CHMP7: variants seen among roughly 807,000 people sequenced by gnomAD.
CHMP7 encodes CHMP family, member 7.
CHMP7 carries 15 observed loss-of-function variants against 53.7 expected under a neutral mutation model. That is an observed-to-expected ratio of 0.28 (90% CI 0.19 to 0.43). CHMP7 has a LOEUF of 0.43. CHMP7 is among the 20% of genes least tolerant of loss of function. CHMP7 has a pLI of 1.00. For missense variants in CHMP7, 527 were observed against 569.4 expected, an observed-to-expected ratio of 0.93 and a Z score of 0.76; for synonymous variants, 261 against 228.0, an observed-to-expected ratio of 1.14 and a Z score of -1.30.
Position 23,255,235 on chromosome 8 carries a change from C to G in CHMP7, c.472-12C>G, listed in dbSNP as rs1802076797. On this transcript the variant is annotated splice_polypyrimidine_tract_variant and intron_variant, in intron 3 of 10. Coordinates refer to ENST00000397677, the MANE Select transcript of CHMP7 (RefSeq NM_152272.5). ...GGCCAGGGCCTGTCAGCCAATGTTG[C>G]CTTTCCCACAGGAAAAGGCTGAGGA... The G allele has an allele frequency of 6.2e-7, 1 of 1,613,730 alleles. No homozygotes were observed. The highest frequency in any genetic ancestry group is 1.7e-5 in the Admixed American group (1 of 59,986).
chr8:23,256,651 C>A, intron 5 of CHMP7, 58 bp downstream of exon 5: 11 of 1,427,230 alleles, frequency 7.7e-6, no homozygotes, highest in Admixed American at 1.9e-5. Flanking sequence ...CCAGAGCCAG[C>A]AAAATGTTAG....
intron 3 of CHMP7, chr8:23,254,924 A>G (rs972703938): frequency 6.6e-5 from 27 of 407,170 alleles, no homozygotes; most frequent in African/African-American, 5.5e-4. Flanking sequence ...CAGCTGTTCT[A>G]CCTCACCTCA....
chr8:23,257,309 TG>T (rs1394366940), intron 5 of CHMP7, among the ~76,000 whole-genome samples: 1 of 151,654 alleles, frequency 6.6e-6, no homozygotes, highest in Non-Finnish European at 1.5e-5. Flanking sequence ...TTGCCCAGGC[TG>T]GTCTCACACT....
intron 3 of CHMP7, among the ~76,000 whole-genome samples, chr8:23,250,285 GC>G (rs1271300028): frequency 6.6e-6 from 1 of 151,798 alleles, no homozygotes; most frequent in Non-Finnish European, 1.5e-5. Flanking sequence ...CCTCCTCAGA[GC>G]CCACCTCCTC....
At position 23,260,231 on chromosome 8, in the gene CHMP7, G is replaced by A. The variant is rs760597457; in HGVS notation, c.1208G>A (p.Arg403His). The part of the protein sequence containing the change: ...KEPLDLPDNP[R>H]NRHFTNSVPN... ...CCTTTGGATCTGCCTGACAACCCCC[G>A]CAATAGGCATTTTACCAACAGCGTG... Residue 403 changes from arginine (R) to histidine (H), a missense_variant, in exon 10 of 11, where the codon CGC becomes CAC. Transcript: ENST00000397677. 66 of 1,613,976 alleles carry A rather than the reference G, an allele frequency of 4.1e-5. No homozygotes were observed. The South Asian group carries it at 5.4e-4, about 13-fold the overall frequency.
intron 3 of CHMP7, among the ~76,000 whole-genome samples, chr8:23,250,312 A>G (rs1057385891): frequency 1.3e-5 from 2 of 151,806 alleles, no homozygotes; most frequent in Non-Finnish European, 2.9e-5. Flanking sequence ...CTCAGAGTGT[A>G]GTGTCCTTCC....
rs1313639905 is a variant in CHMP7, at chr8:23,255,227, C to T, written c.472-20C>T. The T allele has an allele frequency of 6.2e-7, 1 of 1,613,428 alleles. No homozygotes were observed. Among genetic ancestry groups the T allele is most frequent in the East Asian group, 2.2e-5 (1 of 44,872 alleles). ...ATGGCAGTGGCCAGGGCCTGTCAGC[C>T]AATGTTGCCTTTCCCACAGGAAAAG... On this transcript the variant is annotated intron_variant, in intron 3 of 10. Coordinates refer to ENST00000397677, the MANE Select transcript of CHMP7 (RefSeq NM_152272.5).
Position 23,258,861 on chromosome 8 carries a change from GAGA to G in CHMP7, c.1059+34_1059+36del, listed in dbSNP as rs757471282. 145 of 1,450,016 alleles carry G rather than the reference GAGA, an allele frequency of 1.0e-4. 1 individual carries two copies. In the African/African-American group the frequency reaches 1.9e-3, roughly 19 times the overall value. 89.8% of individuals were successfully genotyped at this position (1,450,016 alleles called of 1,614,324 possible). On this transcript the variant is annotated intron_variant, in intron 8 of 10. Coordinates refer to ENST00000397677, the MANE Select transcript of CHMP7 (RefSeq NM_152272.5). ...GAAAGGGGCCAGGGAGGGACACACA[GAGA>G]AGGAGGTGACAGAGGACAGATTTGA...
intron 6 of CHMP7, 117 bp from the exon 7 acceptor site, chr8:23,258,213 T>A (rs912757489): frequency 3.3e-6 from 5 of 1,503,242 alleles, no homozygotes; most frequent in Non-Finnish European, 3.7e-6. Flanking sequence ...CACCACAGCT[T>A]ATTTTACAGA....
intron 5 of CHMP7, 149 bp downstream of exon 5, chr8:23,256,742 T>C (rs1240380468): frequency 9.8e-6 from 4 of 406,590 alleles, no homozygotes; most frequent in Non-Finnish European, 1.7e-5. Context: ...AATGCAGAAA[T>C]CATGGAAAGC....
At chr8:23,250,889 G>GCCAATCTCT (rs1179219492) in intron 3 of CHMP7, among the ~76,000 whole-genome samples, 12 of 152,072 alleles carry the variant, frequency 7.9e-5, no homozygotes, top group African/African-American at 2.7e-4. Context: ...TCCAAAATCT[G>GCCAATCTCT]CCAATCTCTC....
At chr8:23,249,463 A>G in intron 3 of CHMP7, 82 bp downstream of exon 3, 1 of 1,143,670 alleles carries the variant, frequency 8.7e-7, no homozygotes, top group Non-Finnish European at 1.2e-6. Flanking sequence ...GTTCTTGAAA[A>G]AAGACCGTCT....
chr8:23,245,630 G>A (rs999852520), intron 1 of CHMP7, among the ~76,000 whole-genome samples: 4 of 152,144 alleles, frequency 2.6e-5, no homozygotes, highest in African/African-American at 7.2e-5. Flanking sequence ...GGTAATCCTT[G>A]CCTCATAGGA....
rs1266203021 is a variant in CHMP7 at position 23,257,113 on chromosome 8, A to T, written c.791+520A>T. Among the ~76,000 whole-genome samples, 4 of 119,210 alleles carry T rather than the reference A, an allele frequency of 3.4e-5. No individual in the cohort carries two copies. The East Asian group carries it at 1.0e-3, about 30-fold the overall frequency. The allele number at this position is 119,210 out of a possible 152,430, so 78.2% of individuals were successfully genotyped here. ...GGCCTTTTTTTTTTTTTTTTTCCTC[A>T]ATTGAGACAGGGTCTTGCACTGTCC... On this transcript the variant is annotated intron_variant, in intron 5 of 10. Transcript: ENST00000397677.
At chr8:23,251,089 CT>C (rs1243954051) in intron 3 of CHMP7, among the ~76,000 whole-genome samples, 1 of 152,182 alleles carries the variant, frequency 6.6e-6, no homozygotes, top group Non-Finnish European at 1.5e-5. Context: ...CTCAGGTCCT[CT>C]CTGCGGTCTT....
At position 23,244,074 on chromosome 8, in the gene CHMP7, A is replaced by G. The variant is rs79429742; in HGVS notation, c.-441+230A>G. On this transcript the variant is annotated intron_variant, in intron 1 of 10. Coordinates refer to ENST00000397677, the MANE Select transcript of CHMP7 (RefSeq NM_152272.5). Reference sequence around the variant, plus strand: ...CCTTTATCAGAGATGTCTTTTGCAAATAGTTTCTACCAGTCTGTGGCTTAT... The same window carrying G: ...CCTTTATCAGAGATGTCTTTTGCAAGTAGTTTCTACCAGTCTGTGGCTTAT... 2.8e-3 allele frequency among the ~76,000 whole-genome samples: 419 copies of G among 152,086 alleles called. 4 individuals are homozygous for G. Among genetic ancestry groups the G allele is most frequent in the African/African-American group, 9.7e-3 (404 of 41,472 alleles).
intron 3 of CHMP7, among the ~76,000 whole-genome samples, chr8:23,252,981 C>T (rs1801989532): frequency 6.6e-6 from 1 of 152,196 alleles, no homozygotes; most frequent in Admixed American, 6.5e-5. Context: ...TACCCTTTGG[C>T]ACTGTTGACG....
chr8:23,258,052 C>A lies in CHMP7; in HGVS notation c.811C>A (p.Arg271=). ...TTCCAGGTGTAAAGAAGAAGCCCGC[C>A]GGGCATGCCGAGCAGGAAAGAAGCA... ...EAERCKEEAR[R]ACRAGKKQLA... Residue 271 remains arginine (R), a synonymous_variant, in exon 6 of 11, where the codon CGG becomes AGG. Coordinates refer to ENST00000397677, the MANE Select transcript of CHMP7 (RefSeq NM_152272.5). 1.2e-6 allele frequency: 2 copies of A among 1,613,214 alleles called. No homozygotes were observed. Among genetic ancestry groups the A allele is most frequent in the Non-Finnish European group, 1.7e-6 (2 of 1,179,354 alleles).
At chr8:23,258,957 A>C in intron 8 of CHMP7, 109 bp from the exon 9 acceptor site, 1 of 1,056,908 alleles carries the variant, frequency 9.5e-7, no homozygotes, top group Non-Finnish European at 1.5e-6. Context: ...GCTTTCCTTG[A>C]TTCTCACTTG....
Sources: gnomAD v4.1 joint callset for allele counts (sites outside exome capture counted in the v4.1 genomes callset) on GRCh38, gnomAD v4.1.1 for gene constraint, MANE v1.5 for transcripts, NCBI Gene and HGNC (gene_info 2026-07-23, HGNC 2026-07-21) for gene names.